Variants in PRICKLE2 observed in about 807,000 individuals in gnomAD.
PRICKLE2 encodes prickle-like protein 2.
PRICKLE2 carries 21 observed loss-of-function variants against 81.4 expected under a neutral mutation model. The ratio of observed to expected loss-of-function variants is 0.26; its 90% CI spans 0.18 to 0.37. PRICKLE2 has a LOEUF of 0.37. Ranked by LOEUF, PRICKLE2 falls within the 10% of genes least tolerant of loss-of-function variation. The probability of loss-of-function intolerance (pLI) is 1.00; values close to 1 mark genes in which losing one functional copy is unlikely to be tolerated. For missense variants in PRICKLE2, 940 were observed against 1,109.0 expected, an observed-to-expected ratio of 0.85 and a Z score of 2.16; for synonymous variants, 456 against 421.5, an observed-to-expected ratio of 1.08 and a Z score of -1.00.
chr3:64,134,312 G>C (rs2077243872), intron 7 of PRICKLE2, among the ~76,000 whole-genome samples: 2 of 152,214 alleles, frequency 1.3e-5, no homozygotes, highest in East Asian at 3.9e-4. Flanking sequence ...CTCAGCTGCA[G>C]ACGGGGCTTC....
At chr3:64,197,223 G>A (rs1223169834) in intron 2 of PRICKLE2, among the ~76,000 whole-genome samples, 4 of 152,080 alleles carry the variant, frequency 2.6e-5, no homozygotes, top group African/African-American at 4.8e-5. Context: ...ATGAACATAC[G>A]TGTGCATGTG....
intron 5 of PRICKLE2, 75 bp from the exon 6 acceptor site, chr3:64,153,443 G>A (rs1175897730): frequency 1.9e-5 from 27 of 1,415,870 alleles, no homozygotes; most frequent in Non-Finnish European, 2.4e-5. Context: ...AAGCTATGGG[G>A]TCCTTGAACT....
chr3:64,265,447 T>G lies in PRICKLE2; in HGVS notation c.129-66480A>C, dbSNP rs933366117. Among the ~76,000 whole-genome samples the G allele has an allele frequency of 3.9e-5, 6 of 152,208 alleles. No individual in the cohort carries two copies. In the East Asian group the frequency reaches 1.2e-3, roughly 29 times the overall value. On this transcript the variant is annotated intron_variant, in intron 2 of 8. Coordinates refer to the PRICKLE2 transcript ENST00000295902. ...ATATTCACCTAGCGCTCTCCTACTT[T>G]ATGATAGTGATAGGAAGTGCTTAAT...
At chr3:64,258,845 A>AGAAAGAAAGAAAGAAAG (rs1553663503) in intron 2 of PRICKLE2, among the ~76,000 whole-genome samples, 8 of 34,004 alleles carry the variant, frequency 2.4e-4, no homozygotes, top group South Asian at 1.3e-3. Flanking sequence ...AAAAAAAAAA[A>AGAAAGAAAGAAAGAAAG]AAAGAAAGAA....
At chr3:64,266,127 A>G (rs2079704149) in intron 2 of PRICKLE2, among the ~76,000 whole-genome samples, 1 of 152,080 alleles carries the variant, frequency 6.6e-6, no homozygotes, top group Non-Finnish European at 1.5e-5. Context: ...AGGCTGATTC[A>G]GGAAAATACT....
intron 1 of PRICKLE2, among the ~76,000 whole-genome samples, chr3:64,211,751 T>C (rs1425721848): frequency 6.6e-6 from 1 of 152,240 alleles, no homozygotes; most frequent in Non-Finnish European, 1.5e-5. Context: ...CCATCATTAA[T>C]GTGTTAGCCA....
chr3:64,192,780 T>C (rs1393666737), intron 2 of PRICKLE2, among the ~76,000 whole-genome samples: 4 of 152,178 alleles, frequency 2.6e-5, no homozygotes, highest in Admixed American at 6.5e-5. Context: ...GGATGATGAA[T>C]CTAATTGCAA....
intron 7 of PRICKLE2, among the ~76,000 whole-genome samples, chr3:64,134,887 T>A (rs1470167178): frequency 2.0e-5 from 3 of 152,228 alleles, no homozygotes; most frequent in African/African-American, 7.2e-5. Flanking sequence ...TTTCCCAAAG[T>A]AAAGACTGAA....
chr3:64,164,244 G>T (rs1185280524), intron 2 of PRICKLE2, among the ~76,000 whole-genome samples: 2 of 152,272 alleles, frequency 1.3e-5, no homozygotes, highest in East Asian at 1.9e-4. Context: ...TGGCCTGGTG[G>T]TGCATGCCTG....
chr3:64,121,661 GT>G (rs1299082788), intron 7 of PRICKLE2, among the ~76,000 whole-genome samples: 2 of 152,200 alleles, frequency 1.3e-5, no homozygotes, highest in African/African-American at 4.8e-5. Context: ...TGATGGCTAA[GT>G]TTTTTGGCAC....
At chr3:64,211,163 G>C (rs2078779910) in intron 1 of PRICKLE2, among the ~76,000 whole-genome samples, 1 of 152,182 alleles carries the variant, frequency 6.6e-6, no homozygotes, top group African/African-American at 2.4e-5. Flanking sequence ...CCACAGGCAA[G>C]ACAAGCAGGC....
At chr3:64,252,536 T>C (rs369432599) in intron 2 of PRICKLE2, among the ~76,000 whole-genome samples, 2 of 152,208 alleles carry the variant, frequency 1.3e-5, no homozygotes, top group African/African-American at 4.8e-5. Flanking sequence ...GTTTCCTCCA[T>C]GGCAAAATTG....
In PRICKLE2 at chr3:64,146,848, C is replaced by T. The variant is rs375557486; in HGVS notation, c.1642G>A (p.Ala548Thr). The part of the protein sequence containing the change: ...QTPRGSMESL[A>T]LSNATGLSAD... ...AACCTACCTGTTGCATTAGACAGGG[C>T]CAGGGATTCCATGGAGCCCCGAGGG... Residue 548 changes from alanine (A) to threonine (T), a missense_variant, in exon 7 of 8, where the codon GCC (alanine) becomes ACC (threonine). Physicochemically the swap from Ala to Thr is moderately conservative, Grantham distance 58. Transcript: ENST00000638394. 63 of 1,614,016 alleles carry T rather than the reference C, an allele frequency of 3.9e-5. No homozygotes were observed. Among genetic ancestry groups the T allele is most frequent in the Non-Finnish European group, 5.3e-5 (62 of 1,180,026 alleles).
intron 1 of PRICKLE2, among the ~76,000 whole-genome samples, chr3:64,218,933 T>C (rs1423483309): frequency 2.6e-5 from 4 of 152,142 alleles, no homozygotes; most frequent in Non-Finnish European, 2.9e-5. Context: ...CTCTGTAGGA[T>C]GCTTGCATAC....
chr3:64,262,467 A>C (rs1203756837), intron 2 of PRICKLE2, among the ~76,000 whole-genome samples: 3 of 152,080 alleles, frequency 2.0e-5, no homozygotes, highest in African/African-American at 7.2e-5. Flanking sequence ...ATGTGTATCT[A>C]AGTCTGGAGC....
chr3:64,219,990 T>C (rs2078926777), intron 1 of PRICKLE2, among the ~76,000 whole-genome samples: 2 of 152,212 alleles, frequency 1.3e-5, no homozygotes, highest in Admixed American at 1.3e-4. Flanking sequence ...AAACACTCAG[T>C]AGGCGCTCAG....
At chr3:64,253,862 C>T (rs704402) in intron 2 of PRICKLE2, among the ~76,000 whole-genome samples, 14,246 of 152,132 alleles carry the variant, frequency 0.094, 1,021 homozygotes, top group African/African-American at 0.2. Flanking sequence ...GCATGAGATC[C>T]GCTGGCCAGT....
chr3:64,214,686 T>C (rs2078844315), intron 1 of PRICKLE2, among the ~76,000 whole-genome samples: 1 of 152,194 alleles, frequency 6.6e-6, no homozygotes, highest in Non-Finnish European at 1.5e-5. Context: ...ATGAATTGGA[T>C]TCACATGTCT....
At chr3:64,184,533 G>T (rs1359891677) in intron 2 of PRICKLE2, among the ~76,000 whole-genome samples, 2 of 152,056 alleles carry the variant, frequency 1.3e-5, no homozygotes, top group Non-Finnish European at 2.9e-5. Context: ...TAATGCAATG[G>T]TGCTATTATA....
Sources: allele counts gnomAD v4.1 joint callset (sites outside exome capture counted in the v4.1 genomes callset), GRCh38; gene constraint gnomAD v4.1.1; transcripts MANE v1.5; gene names NCBI Gene and HGNC (gene_info 2026-07-23, HGNC 2026-07-21).